ADAM22: variants seen among roughly 807,000 people sequenced by gnomAD.
ADAM22 encodes disintegrin and metalloproteinase domain-containing protein 22.
A neutral mutation model predicts 144.6 loss-of-function variants in ADAM22; 65 were observed. The ratio of observed to expected loss-of-function variants is 0.45; its 90% CI spans 0.37 to 0.55. ADAM22 has a LOEUF of 0.55. Ranked by LOEUF, ADAM22 falls within the 20% of genes least tolerant of loss-of-function variation. The pLI is 0.00. For synonymous variants in ADAM22, 391 were observed against 412.6 expected (o/e 0.95, Z 0.63); for missense variants, 974 against 1,184.9 (o/e 0.82, Z 2.61).
chr7:88,011,734 G>GC (rs1795472670), intron 3 of ADAM22, among the ~76,000 whole-genome samples: 2 of 133,900 alleles, frequency 1.5e-5, no homozygotes, highest in Admixed American at 7.8e-5. Context: ...CTCTCTCTCC[G>GC]CCCCCCACCC....
chr7:88,019,132 G>A (rs567032835), intron 3 of ADAM22, among the ~76,000 whole-genome samples: 4 of 151,828 alleles, frequency 2.6e-5, no homozygotes, highest in South Asian at 2.1e-4. Context: ...AAACTTGCAA[G>A]CAATTTAGCA....
chr7:88,145,332 T>G, intron 16 of ADAM22, 83 bp from the exon 17 acceptor site: 2 of 1,488,740 alleles, frequency 1.3e-6, no homozygotes, highest in Non-Finnish European at 1.9e-6. Context: ...TGTGAGTTTG[T>G]ACATTTATTT....
chr7:87,996,547 A>G (rs73202304), intron 3 of ADAM22, among the ~76,000 whole-genome samples: 7,588 of 152,284 alleles, frequency 0.05, 316 homozygotes, highest in Non-Finnish European at 0.067. Flanking sequence ...TAGGATTTCC[A>G]CATCTGAATT....
chr7:87,959,842 T>G (rs993770594), intron 2 of ADAM22, among the ~76,000 whole-genome samples: 2 of 152,224 alleles, frequency 1.3e-5, no homozygotes, highest in Admixed American at 6.5e-5. Context: ...ATAGCTTTAT[T>G]GACATATTCA....
intron 7 of ADAM22, among the ~76,000 whole-genome samples, chr7:88,119,316 A>G (rs1828635596): frequency 6.6e-6 from 1 of 152,226 alleles, no homozygotes; most frequent in Non-Finnish European, 1.5e-5. Flanking sequence ...CTTTGTAGTC[A>G]GTGCCTCCCA....
At chr7:87,984,055 C>G (rs1360861445) in intron 3 of ADAM22, among the ~76,000 whole-genome samples, 1 of 151,996 alleles carries the variant, frequency 6.6e-6, no homozygotes, top group East Asian at 1.9e-4. Flanking sequence ...TTGTTTTGTC[C>G]CATATGTTGC....
At chr7:88,129,613 A>G (rs923545319) in intron 9 of ADAM22, among the ~76,000 whole-genome samples, 5 of 152,110 alleles carry the variant, frequency 3.3e-5, no homozygotes, top group African/African-American at 1.2e-4. Flanking sequence ...ATAACAACAT[A>G]TATTTTGAAC....
chr7:87,967,760 A>G (rs1161932881), intron 2 of ADAM22, among the ~76,000 whole-genome samples: 1 of 142,144 alleles, frequency 7.0e-6, no homozygotes, highest in African/African-American at 2.7e-5. Flanking sequence ...GTGAGCTAAG[A>G]TCGCACCACT....
intron 2 of ADAM22, among the ~76,000 whole-genome samples, chr7:87,947,244 G>C (rs1239675388): frequency 6.6e-6 from 1 of 152,186 alleles, no homozygotes; most frequent in Admixed American, 6.5e-5. Flanking sequence ...TGAAAGCTTT[G>C]ATTCAGGGCT....
chr7:88,067,841 C>A (rs1811685378), intron 3 of ADAM22, among the ~76,000 whole-genome samples: 1 of 152,086 alleles, frequency 6.6e-6, no homozygotes, highest in African/African-American at 2.4e-5. Context: ...ATAGCCTCAC[C>A]TTTAGACACA....
chr7:88,160,952 C>T (rs893468445), intron 22 of ADAM22, among the ~76,000 whole-genome samples: 16 of 151,686 alleles, frequency 1.1e-4, no homozygotes, highest in South Asian at 4.2e-4. Context: ...CATCACACAC[C>T]GGGGCCTGTC....
At chr7:87,934,660 ATTTTTTTT>A (rs57360340) in intron 1 of ADAM22, 110 bp downstream of exon 1, 5 of 704,898 alleles carry the variant, frequency 7.1e-6, no homozygotes, top group African/African-American at 6.2e-5. Context: ...GCGCGGGGAG[ATTTTTTTT>A]TTTTTTTTTT....
At chr7:88,050,063 T>C (rs1437614910) in intron 3 of ADAM22, among the ~76,000 whole-genome samples, 1 of 151,722 alleles carries the variant, frequency 6.6e-6, no homozygotes, top group African/African-American at 2.4e-5. Context: ...ATAAATATAA[T>C]GTAAATTTTT....
At chr7:88,180,506 G>C (rs1281771784) in intron 27 of ADAM22, among the ~76,000 whole-genome samples, 1 of 151,966 alleles carries the variant, frequency 6.6e-6, no homozygotes, top group Admixed American at 6.6e-5. Context: ...TATTTTCACT[G>C]ATCAGTAGAA....
At chr7:88,186,848 C>T in intron 30 of ADAM22, 147 bp downstream of exon 30, 1 of 601,086 alleles carries the variant, frequency 1.7e-6, no homozygotes, top group Non-Finnish European at 2.9e-6. Context: ...CCTTTTGACT[C>T]TGTTTTTGCT....
intron 2 of ADAM22, among the ~76,000 whole-genome samples, chr7:87,955,562 G>A (rs1004382718): frequency 2.6e-5 from 4 of 152,194 alleles, no homozygotes; most frequent in Non-Finnish European, 5.9e-5. Context: ...GTGCCTCCCA[G>A]TTAGGCTGCT....
At chr7:88,112,646 G>C (rs1183731073) in intron 5 of ADAM22, among the ~76,000 whole-genome samples, 1 of 152,172 alleles carries the variant, frequency 6.6e-6, no homozygotes. Context: ...ATATTGAAGT[G>C]CTCTCCAGAG....
At chr7:88,108,450 G>A (rs541564463) in intron 5 of ADAM22, among the ~76,000 whole-genome samples, 192 bp downstream of exon 5, 32 of 151,708 alleles carry the variant, frequency 2.1e-4, no homozygotes, top group African/African-American at 5.3e-4. Context: ...GCAAATGGTC[G>A]GGCGTGGTGG....
At chr7:88,010,531 C>CT (rs2129459540) in intron 3 of ADAM22, among the ~76,000 whole-genome samples, 1 of 152,260 alleles carries the variant, frequency 6.6e-6, no homozygotes, top group East Asian at 1.9e-4. Flanking sequence ...TGAAAAAGGC[C>CT]TTTTTCTTAA....
Sources: gnomAD v4.1 joint callset for allele counts (sites outside exome capture counted in the v4.1 genomes callset) on GRCh38, gnomAD v4.1.1 for gene constraint, MANE v1.5 for transcripts, NCBI Gene and HGNC (gene_info 2026-07-23, HGNC 2026-07-21) for gene names.